The following ALDH2 variants were observed in gnomAD, a reference collection of about 807,000 sequenced individuals.
ALDH2 encodes the protein aldehyde dehydrogenase, mitochondrial.
Under a neutral mutation model 59.6 loss-of-function variants are expected in ALDH2, and 44 were observed. The observed-to-expected ratio is 0.74, with a 90% CI of 0.58 to 0.95. ALDH2 has a LOEUF of 0.95. ALDH2 is among the 40% of genes least tolerant of loss of function. The pLI, the probability that ALDH2 is intolerant of heterozygous loss-of-function variation, is 0.00. For synonymous variants in ALDH2, 291 were observed against 284.0 expected, an observed-to-expected ratio of 1.02 and a Z score of -0.25; for missense variants, 570 against 696.3, an observed-to-expected ratio of 0.82 and a Z score of 2.04.
intron 4 of ALDH2, among the ~76,000 whole-genome samples, chr12:111,786,810 G>A (rs1379217090): frequency 1.3e-5 from 2 of 152,068 alleles, no homozygotes; most frequent in African/African-American, 2.4e-5. Context: ...GCCTCCCAAA[G>A]TGCTGGGATT....
In ALDH2 at chr12:111,810,747, A is replaced by G. The variant is rs2068530021; in HGVS notation, c.*1172A>G. 1 of 150,750 alleles carries G rather than the reference A, an allele frequency of 6.6e-6. No homozygotes were observed. Among genetic ancestry groups the G allele is most frequent in the Non-Finnish European group, 1.5e-5 (1 of 68,012 alleles). The allele number at this position is 150,750 out of a possible 1,614,324, so 9.3% of individuals were successfully genotyped here. ...TTCAGCTTCCTGGGCTAATGTTTGT[A>G]TTTTTTGTGGAGATGGGACTTTGTT... On this transcript the variant is annotated 3_prime_UTR_variant, in exon 13 of 13. Coordinates refer to ENST00000261733, the MANE Select transcript of ALDH2 (RefSeq NM_000690.4).
chr12:111,801,751 C>G (rs1366306784), intron 11 of ALDH2, among the ~76,000 whole-genome samples: 1 of 150,418 alleles, frequency 6.6e-6, no homozygotes, highest in Non-Finnish European at 1.5e-5. Flanking sequence ...ATTCCATTTA[C>G]AGTATTATAA....
intron 12 of ALDH2, among the ~76,000 whole-genome samples, chr12:111,807,023 T>C (rs918923987): frequency 3.3e-5 from 5 of 151,284 alleles, no homozygotes; most frequent in African/African-American, 7.3e-5. Flanking sequence ...TCCCAGCACT[T>C]TGGGAGGCCG....
rs1360654482 is a variant in ALDH2 at position 111,813,237 on chromosome 12, G to A, written c.*3662G>A. On this transcript the variant is annotated 3_prime_UTR_variant, in exon 13 of 13. Transcript: ENST00000261733. ...TGTAAAGCCGCTGCTTCTGGGTAGA[G>A]CCTCCACTTGTGGCTGCACAGAGGG... 6.6e-6 allele frequency: 1 copy of A among 152,220 alleles called. No individual in the cohort carries two copies. The highest frequency in any genetic ancestry group is 1.5e-5 in the Non-Finnish European group (1 of 68,056). The allele number at this position is 152,220 out of a possible 1,614,324, so 9.4% of individuals were successfully genotyped here. A position where few individuals can be genotyped will look rare whatever the true frequency, so the allele number is the denominator to read the frequency against.
intron 11 of ALDH2, among the ~76,000 whole-genome samples, chr12:111,801,038 A>G (rs770636432): frequency 3.3e-5 from 5 of 152,240 alleles, no homozygotes; most frequent in Non-Finnish European, 7.3e-5. Context: ...GCTGGTAAAG[A>G]CATTGCAGAG....
chr12:111,787,916 A>G (rs943834919), intron 4 of ALDH2, among the ~76,000 whole-genome samples: 2 of 151,964 alleles, frequency 1.3e-5, no homozygotes, highest in Admixed American at 6.6e-5. Flanking sequence ...GCAGGCGCCT[A>G]TAGTCCCAGC....
chr12:111,800,094 C>A (rs1286995025), intron 11 of ALDH2, 31 bp downstream of exon 11: 2 of 1,583,074 alleles, frequency 1.3e-6, no homozygotes, highest in South Asian at 2.3e-5. Flanking sequence ...CCTCACAACC[C>A]AACAGAGATT....
chr12:111,809,638 C>T lies in ALDH2; in HGVS notation c.*63C>T, dbSNP rs1032682785. The T allele has an allele frequency of 3.2e-6, 5 of 1,573,326 alleles. No homozygotes were observed. In the African/African-American group the frequency reaches 6.8e-5, roughly 21 times the overall value. On this transcript the variant is annotated 3_prime_UTR_variant, in exon 13 of 13. Coordinates refer to ENST00000261733, the MANE Select transcript of ALDH2 (RefSeq NM_000690.4). ...AGTTCAGCAAGATCAGCAACAAAAC[C>T]AAGAAAAATGATCCTTGCGTGCTGA...
intron 12 of ALDH2, among the ~76,000 whole-genome samples, chr12:111,809,093 C>G: frequency 6.6e-6 from 1 of 152,082 alleles, no homozygotes; most frequent in East Asian, 1.9e-4. Flanking sequence ...GGGCTTGGAG[C>G]TCCAGGGGCA....
chr12:111,785,197 C>A, intron 3 of ALDH2, 70 bp from the exon 4 acceptor site: 3 of 1,294,008 alleles, frequency 2.3e-6, no homozygotes, highest in South Asian at 2.4e-5. Flanking sequence ...AGCCTTGGCG[C>A]CCTCTGTCAG....
Position 111,766,976 on chromosome 12 carries a change from C to G in ALDH2, c.-7C>G, listed in dbSNP as rs750453063. 3.3e-6 allele frequency: 5 copies of G among 1,520,978 alleles called. No individual in the cohort carries two copies. The African/African-American group carries it at 7.1e-5, about 22-fold the overall frequency. 94.2% of individuals were successfully genotyped at this position (1,520,978 alleles called of 1,614,324 possible). A position where few individuals can be genotyped will look rare whatever the true frequency, so the allele number is the denominator to read the frequency against. On this transcript the variant is annotated 5_prime_UTR_variant, in exon 1 of 13. Coordinates refer to ENST00000261733, the MANE Select transcript of ALDH2 (RefSeq NM_000690.4). ...TCGGTCCGCTCGCTGTCCGCTAGCC[C>G]GCTGCGATGTTGCGCGCTGCCGCCC...
At chr12:111,792,288 G>GA in intron 8 of ALDH2, 125 bp downstream of exon 8, 1 of 795,612 alleles carries the variant, frequency 1.3e-6, no homozygotes, top group Non-Finnish European at 2.0e-6. Flanking sequence ...CGGGCCTCAG[G>GA]ATAAGACGCC....
At chr12:111,775,625 T>A (rs2068229354) in intron 1 of ALDH2, 1 of 455,280 alleles carries the variant, frequency 2.2e-6, no homozygotes, top group Non-Finnish European at 4.4e-6. Context: ...AAATGTCAAC[T>A]CCAGACATCA....
In ALDH2 at chr12:111,783,230, G is replaced by T. The variant is rs923192135; in HGVS notation, c.292G>T (p.Ala98Ser). ...GGGCTCACCTTGGCGCCGCATGGAC[G>T]CATCACACAGGGGCCGGCTGCTGAA... ...QLGSPWRRMD[A>S]SHRGRLLNRL... The change falls in exon 3 of 13, where the codon GCA becomes TCA. Residue 98 changes from alanine to serine, a missense_variant. Coordinates refer to ENST00000261733, the MANE Select transcript of ALDH2 (RefSeq NM_000690.4). 4 of 1,613,180 alleles carry T rather than the reference G, an allele frequency of 2.5e-6. No homozygotes were observed. In the African/African-American group the frequency reaches 4.0e-5, roughly 16 times the overall value.
intron 10 of ALDH2, 86 bp downstream of exon 10, chr12:111,798,328 C>A: frequency 7.0e-7 from 1 of 1,418,718 alleles, no homozygotes. Context: ...TGCTGTCACC[C>A]ATCTGCTGGC....
At chr12:111,768,489 T>C (rs1317236068) in intron 1 of ALDH2, among the ~76,000 whole-genome samples, 1 of 152,270 alleles carries the variant, frequency 6.6e-6, no homozygotes, top group African/African-American at 2.4e-5. Context: ...AGGCAGCAGC[T>C]ATGGCTCCCT....
At chr12:111,780,121 G>T (rs1413008152) in intron 1 of ALDH2, among the ~76,000 whole-genome samples, 1 of 152,122 alleles carries the variant, frequency 6.6e-6, no homozygotes, top group Non-Finnish European at 1.5e-5. Flanking sequence ...TCAAACTCTG[G>T]ACCTAAGGTG....
chr12:111,793,879 G>T (rs1008588102), intron 9 of ALDH2, among the ~76,000 whole-genome samples: 4 of 151,560 alleles, frequency 2.6e-5, no homozygotes, highest in African/African-American at 9.7e-5. Context: ...ACTTACTATG[G>T]GCCTAGACAA....
chr12:111,788,026 G>A (rs1392233859), intron 4 of ALDH2, among the ~76,000 whole-genome samples: 1 of 149,360 alleles, frequency 6.7e-6, no homozygotes, highest in African/African-American at 2.5e-5. Flanking sequence ...GCAACAGAGC[G>A]AGACTCTGTC....
Sources: allele counts gnomAD v4.1 joint callset (sites outside exome capture counted in the v4.1 genomes callset), GRCh38; gene constraint gnomAD v4.1.1; transcripts MANE v1.5; gene names NCBI Gene and HGNC (gene_info 2026-07-23, HGNC 2026-07-21).